The following KCNH5 variants were observed in gnomAD, a reference collection of about 807,000 sequenced individuals.
KCNH5 encodes the protein potassium voltage-gated channel subfamily H member 5, also known as voltage-gated delayed rectifier potassium channel KCNH5.
KCNH5 carries 46 observed loss-of-function variants against 96.1 expected under a neutral mutation model. The observed-to-expected ratio is 0.48, with a 90% CI of 0.38 to 0.61. The LOEUF (loss-of-function observed/expected upper bound fraction) is 0.61. KCNH5 is among the 20% of genes least tolerant of loss of function. The pLI is 0.00. For synonymous variants in KCNH5, 439 were observed against 449.8 expected (o/e 0.98, Z 0.30); for missense variants, 907 against 1,225.8 (o/e 0.74, Z 3.88).
intron 10 of KCNH5, among the ~76,000 whole-genome samples, chr14:62,759,925 T>C (rs2139954433): frequency 6.6e-6 from 1 of 152,288 alleles, no homozygotes; most frequent in East Asian, 1.9e-4. Flanking sequence ...GATAGGCCCA[T>C]GTCAGGCACT....
intron 3 of KCNH5, among the ~76,000 whole-genome samples, chr14:63,004,754 G>A (rs948687902): frequency 3.9e-5 from 6 of 152,138 alleles, no homozygotes; most frequent in Admixed American, 1.3e-4. Flanking sequence ...ATAGGCATGT[G>A]CCTCCATGCC....
In KCNH5 at chr14:62,777,631, T is replaced by G. The variant is rs1038475782; in HGVS notation, c.2019+2097A>C. ...TGCATCAAGAGCAGAGAGGCTAGAATTATAAAAATTGACACCAGTTATAAC... is the reference window on the plus strand; with the variant it reads ...TGCATCAAGAGCAGAGAGGCTAGAAGTATAAAAATTGACACCAGTTATAAC... On this transcript the variant is annotated intron_variant, in intron 10 of 10. Coordinates refer to ENST00000322893, the MANE Select transcript of KCNH5 (RefSeq NM_139318.5). 2.0e-5 allele frequency among the ~76,000 whole-genome samples: 3 copies of G among 152,130 alleles called. No homozygotes were observed. In the South Asian group the frequency reaches 6.2e-4, roughly 32 times the overall value.
intron 6 of KCNH5, among the ~76,000 whole-genome samples, chr14:62,966,339 C>T (rs1890305234): frequency 6.6e-6 from 1 of 152,162 alleles, no homozygotes; most frequent in African/African-American, 2.4e-5. Context: ...GCAGTATTAG[C>T]ATCCTCTTCC....
intron 9 of KCNH5, among the ~76,000 whole-genome samples, chr14:62,797,454 GA>G (rs1185853289): frequency 6.6e-6 from 1 of 152,058 alleles, no homozygotes; most frequent in African/African-American, 2.4e-5. Flanking sequence ...CTACAACACA[GA>G]AGTATGGGTG....
chr14:62,707,945 G>C lies in KCNH5; in HGVS notation c.2530C>G (p.Pro844Ala). 1.9e-6 allele frequency: 3 copies of C among 1,614,046 alleles called. No homozygotes were observed. Among genetic ancestry groups the C allele is most frequent in the Non-Finnish European group, 2.5e-6 (3 of 1,179,996 alleles). Reference sequence around the variant, plus strand: ...CTGTTCTCTGAATCACTGCTCTTGGGGTCCTCAGACAATAGCCCCATTGAC... The same window carrying C: ...CTGTTCTCTGAATCACTGCTCTTGGCGTCCTCAGACAATAGCCCCATTGAC... ...AESMGLLSED[P>A]KSSDSENSVT... Residue 844 changes from proline to alanine, a missense_variant, in exon 11 of 11, where the codon CCC (proline) becomes GCC (alanine). Pro to Ala is a conservative substitution (Grantham distance 27). This residue lies in a region of KCNH5 where 362 missense variants were observed against 394.4 expected (regional missense o/e 0.92). Transcript: ENST00000322893.
intron 5 of KCNH5, among the ~76,000 whole-genome samples, chr14:62,982,966 A>G (rs745444789): frequency 1.3e-5 from 2 of 152,176 alleles, no homozygotes; most frequent in Non-Finnish European, 2.9e-5. Flanking sequence ...GTACATAATC[A>G]TGTCTTTTCT....
chr14:62,884,369 A>T (rs1186934205), intron 7 of KCNH5, among the ~76,000 whole-genome samples: 1 of 152,226 alleles, frequency 6.6e-6, no homozygotes, highest in Non-Finnish European at 1.5e-5. Context: ...TCACACCTGT[A>T]ATCCCAGCAC....
chr14:63,004,232 A>C (rs1891084982), intron 3 of KCNH5, among the ~76,000 whole-genome samples: 1 of 152,190 alleles, frequency 6.6e-6, no homozygotes, highest in African/African-American at 2.4e-5. Context: ...AAAACCTTTC[A>C]GCTATTTACA....
intron 8 of KCNH5, among the ~76,000 whole-genome samples, chr14:62,833,598 G>C (rs1887405124): frequency 6.6e-6 from 1 of 151,918 alleles, no homozygotes; most frequent in South Asian, 2.1e-4. Flanking sequence ...TCTCAAGATT[G>C]CTTTGGTTAT....
intron 5 of KCNH5, among the ~76,000 whole-genome samples, chr14:62,986,344 G>C (rs189200083): frequency 3.7e-4 from 57 of 152,166 alleles, no homozygotes; most frequent in African/African-American, 1.3e-3. Context: ...AGGCACAAAG[G>C]TCATTTTCCT....
intron 7 of KCNH5, among the ~76,000 whole-genome samples, chr14:62,893,310 G>A (rs890452748): frequency 1.3e-5 from 2 of 152,172 alleles, no homozygotes; most frequent in African/African-American, 4.8e-5. Context: ...ATTAGAACTG[G>A]AGCATTTTAA....
At chr14:63,022,207 TG>T (rs1462447586) in intron 1 of KCNH5, among the ~76,000 whole-genome samples, 1 of 152,208 alleles carries the variant, frequency 6.6e-6, no homozygotes, top group African/African-American at 2.4e-5. Flanking sequence ...GCCAGTAATC[TG>T]GGAGCCATCA....
chr14:62,913,310 G>A (rs1468201660), intron 7 of KCNH5, among the ~76,000 whole-genome samples: 12 of 151,674 alleles, frequency 7.9e-5, no homozygotes, highest in East Asian at 3.9e-4. Flanking sequence ...TCACTGCAAC[G>A]TCCGCCTCCC....
intron 2 of KCNH5, among the ~76,000 whole-genome samples, chr14:63,008,208 C>T (rs971234795): frequency 3.3e-5 from 5 of 152,026 alleles, no homozygotes; most frequent in African/African-American, 1.2e-4. Flanking sequence ...GTGGTGGAGG[C>T]TGAAGCTTAT....
intron 1 of KCNH5, among the ~76,000 whole-genome samples, chr14:63,041,393 T>C (rs1891821629): frequency 6.6e-6 from 1 of 152,118 alleles, no homozygotes; most frequent in Non-Finnish European, 1.5e-5. Context: ...ACAAATCTAG[T>C]CTGTAAGCCC....
intron 8 of KCNH5, among the ~76,000 whole-genome samples, chr14:62,808,775 T>TA (rs1445484490): frequency 1.3e-5 from 2 of 152,132 alleles, no homozygotes; most frequent in African/African-American, 4.8e-5. Flanking sequence ...GCCACAGAAG[T>TA]AACCAAAGTT....
At chr14:63,019,290 A>G (rs1245869771) in intron 1 of KCNH5, among the ~76,000 whole-genome samples, 5 of 152,092 alleles carry the variant, frequency 3.3e-5, no homozygotes, top group African/African-American at 9.7e-5. Context: ...TGATCTACAG[A>G]TTCAATACAA....
At chr14:62,991,353 G>C (rs1890804737) in intron 4 of KCNH5, among the ~76,000 whole-genome samples, 1 of 152,000 alleles carries the variant, frequency 6.6e-6, no homozygotes, top group South Asian at 2.1e-4. Context: ...AATTCTGGAA[G>C]TGTTAAGGAT....
chr14:62,986,032 C>G (rs12587171), intron 5 of KCNH5, among the ~76,000 whole-genome samples: 14,265 of 152,184 alleles, frequency 0.094, 978 homozygotes, highest in East Asian at 0.35. Context: ...CAAATGTGTT[C>G]ACTCTAATCT....
Sources: allele counts gnomAD v4.1 joint callset (sites outside exome capture counted in the v4.1 genomes callset), GRCh38; gene constraint gnomAD v4.1.1; regional missense constraint gnomAD v4.1.1; transcripts MANE v1.5; gene names NCBI Gene and HGNC (gene_info 2026-07-23, HGNC 2026-07-21).